Variants in TMEM267 observed in about 807,000 individuals in gnomAD.
TMEM267 encodes the protein transmembrane protein 267.
TMEM267 carries 20 observed loss-of-function variants against 19.3 expected under a neutral mutation model. That is an observed-to-expected ratio of 1.04 (90% CI 0.73 to 1.51). The LOEUF is 1.51. Among genes scored for constraint, TMEM267 ranks in the 40% most tolerant of loss-of-function variants. TMEM267 has a pLI of 0.00. For missense variants in TMEM267, 242 were observed against 261.9 expected (o/e 0.92, Z 0.52); for synonymous variants, 88 against 90.3 (o/e 0.97, Z 0.15).
chr5:43,451,492 G>GA (rs1325325718), intron 2 of TMEM267, among the ~76,000 whole-genome samples: 2 of 151,972 alleles, frequency 1.3e-5, no homozygotes, highest in Admixed American at 6.6e-5. Flanking sequence ...CAATAAACAT[G>GA]AAAAAATGCT....
rs887237533 is a variant in TMEM267, at chr5:43,445,195, A to C, written c.*1027T>G. ...AATAAAGAGGAATCATTTTAATAGA[A>C]GATCAACCTGAAAGAAAAAGGAAAA... On this transcript the variant is annotated 3_prime_UTR_variant, in exon 3 of 3. Transcript: ENST00000397080. The C allele has an allele frequency of 6.6e-6, 1 of 152,198 alleles. No individual in the cohort carries two copies. Among genetic ancestry groups the C allele is most frequent in the Admixed American group, 6.5e-5 (1 of 15,282 alleles). 9.4% of individuals were successfully genotyped at this position (152,198 alleles called of 1,614,324 possible). A position where few individuals can be genotyped will look rare whatever the true frequency, so the allele number is the denominator to read the frequency against.
At chr5:43,481,157 T>C (rs936567457) in intron 1 of TMEM267, among the ~76,000 whole-genome samples, 1 of 146,106 alleles carries the variant, frequency 6.8e-6, no homozygotes, top group South Asian at 2.2e-4. Flanking sequence ...CAAGCTGAAG[T>C]GTAGTGGCAC....
chr5:43,481,628 T>C (rs1744774146), intron 1 of TMEM267, among the ~76,000 whole-genome samples: 1 of 151,946 alleles, frequency 6.6e-6, no homozygotes, highest in Non-Finnish European at 1.5e-5. Flanking sequence ...GCGAATGCAT[T>C]TTACCAATGG....
intron 1 of TMEM267, among the ~76,000 whole-genome samples, chr5:43,477,194 A>AAAC (rs939659255): frequency 6.6e-6 from 1 of 152,072 alleles, no homozygotes; most frequent in Non-Finnish European, 1.5e-5. Context: ...CCTGTCTGAA[A>AAAC]AACAACAACA....
chr5:43,466,375 C>A (rs1743675995), intron 1 of TMEM267, among the ~76,000 whole-genome samples: 1 of 152,110 alleles, frequency 6.6e-6, no homozygotes, highest in Non-Finnish European at 1.5e-5. Flanking sequence ...GGAAAAAAAA[C>A]TTTTATCTTA....
intron 1 of TMEM267, among the ~76,000 whole-genome samples, chr5:43,456,974 T>C (rs965446059): frequency 1.3e-5 from 2 of 152,198 alleles, no homozygotes; most frequent in African/African-American, 2.4e-5. Flanking sequence ...TTGTTCCAAG[T>C]TGGAAACAAC....
chr5:43,466,050 A>G (rs1160783578), intron 1 of TMEM267, among the ~76,000 whole-genome samples: 1 of 152,164 alleles, frequency 6.6e-6, no homozygotes, highest in Non-Finnish European at 1.5e-5. Context: ...TATTGGCTGT[A>G]AAGATGAGAC....
intron 2 of TMEM267, among the ~76,000 whole-genome samples, chr5:43,451,614 A>G (rs894441578): frequency 3.9e-5 from 6 of 152,198 alleles, no homozygotes; most frequent in African/African-American, 1.4e-4. Flanking sequence ...GTTGGCAAGG[A>G]TGCAGAGAAA....
At chr5:43,451,857 T>G (rs1742610323) in intron 2 of TMEM267, among the ~76,000 whole-genome samples, 1 of 151,952 alleles carries the variant, frequency 6.6e-6, no homozygotes, top group Non-Finnish European at 1.5e-5. Context: ...GGAGGATCAC[T>G]TGAGTCTAAG....
At chr5:43,452,470 T>C (rs1444143295) in intron 2 of TMEM267, among the ~76,000 whole-genome samples, 2 of 150,922 alleles carry the variant, frequency 1.3e-5, no homozygotes, top group African/African-American at 4.9e-5. Context: ...TGAGAAGAGG[T>C]GAGAGATAAA....
intron 2 of TMEM267, among the ~76,000 whole-genome samples, chr5:43,448,982 TA>T (rs1357407621): frequency 6.7e-6 from 1 of 150,046 alleles, no homozygotes; most frequent in South Asian, 2.1e-4. Context: ...AAAAATAGAT[TA>T]AAAAAAGATA....
chr5:43,482,716 T>C (rs1744860095), intron 1 of TMEM267, among the ~76,000 whole-genome samples: 1 of 152,250 alleles, frequency 6.6e-6, no homozygotes, highest in East Asian at 1.9e-4. Context: ...GAAGCCATTT[T>C]CTGCAATGGC....
At chr5:43,458,226 G>T (rs558120592) in intron 1 of TMEM267, among the ~76,000 whole-genome samples, 1 of 152,174 alleles carries the variant, frequency 6.6e-6, no homozygotes, top group African/African-American at 2.4e-5. Context: ...TCAGCCTCCT[G>T]AGTAGCTGGA....
intron 1 of TMEM267, among the ~76,000 whole-genome samples, chr5:43,456,858 G>C (rs747856098): frequency 6.6e-6 from 1 of 152,172 alleles, no homozygotes; most frequent in Non-Finnish European, 1.5e-5. Flanking sequence ...AAAGTTAAAC[G>C]TACTCTTACC....
In TMEM267 at chr5:43,444,756, C is replaced by T. The variant is rs1035124195; in HGVS notation, c.*1466G>A. ...AAAAAAAACTCTAATCAAATTTACCCCCACTATATAATATTTACCATTATA... is the reference window on the plus strand; with the variant it reads ...AAAAAAAACTCTAATCAAATTTACCTCCACTATATAATATTTACCATTATA... On this transcript the variant is annotated 3_prime_UTR_variant, in exon 3 of 3. Coordinates refer to ENST00000397080, the MANE Select transcript of TMEM267 (RefSeq NM_022483.5). 11 of 151,934 alleles carry T rather than the reference C, an allele frequency of 7.2e-5. No individual in the cohort carries two copies. The highest frequency in any genetic ancestry group is 2.4e-4 in the African/African-American group (10 of 41,368). The allele number at this position is 151,934 out of a possible 1,614,324, so 9.4% of individuals were successfully genotyped here.
In TMEM267 at chr5:43,463,557, C is replaced by A. The variant is rs570569326; in HGVS notation, c.-74-9514G>T. On this transcript the variant is annotated intron_variant, in intron 1 of 2. Coordinates refer to ENST00000397080, the MANE Select transcript of TMEM267 (RefSeq NM_022483.5). ...AATCCTCAATAAAATACTGGCAAAC[C>A]GAATCCAGCAGCACATCAAAAATCC... Among the ~76,000 whole-genome samples the A allele has an allele frequency of 2.0e-5, 3 of 152,212 alleles. No individual in the cohort carries two copies. In the South Asian group the frequency reaches 6.2e-4, roughly 32 times the overall value.
intron 2 of TMEM267, among the ~76,000 whole-genome samples, chr5:43,450,998 C>A (rs1449030872): frequency 6.6e-6 from 1 of 151,736 alleles, no homozygotes; most frequent in African/African-American, 2.4e-5. Flanking sequence ...CTATGCCCGG[C>A]TAATTTTTTT....
chr5:43,458,110 T>G (rs1743057075), intron 1 of TMEM267, among the ~76,000 whole-genome samples: 1 of 152,098 alleles, frequency 6.6e-6, no homozygotes, highest in African/African-American at 2.4e-5. Context: ...CTTTCTTTCC[T>G]TAATTTTTGA....
chr5:43,465,901 A>C (rs1338725979), intron 1 of TMEM267, among the ~76,000 whole-genome samples: 3 of 151,968 alleles, frequency 2.0e-5, no homozygotes, highest in Admixed American at 6.6e-5. Flanking sequence ...ACATGTATAC[A>C]TATGTAACAA....
Sources: gnomAD v4.1 joint callset for allele counts (sites outside exome capture counted in the v4.1 genomes callset) on GRCh38, gnomAD v4.1.1 for gene constraint, MANE v1.5 for transcripts, NCBI Gene and HGNC (gene_info 2026-07-23, HGNC 2026-07-21) for gene names.